The following ZRANB3 variants were observed in gnomAD, a reference collection of about 807,000 sequenced individuals.
The protein encoded by ZRANB3 is zinc finger RANBP2-type containing 3.
A neutral mutation model predicts 133.8 loss-of-function variants in ZRANB3; 125 were observed. That is an observed-to-expected ratio of 0.93 (90% CI 0.81 to 1.08). The LOEUF (loss-of-function observed/expected upper bound fraction) is 1.08, where lower values mean the gene tolerates loss of function less well. ZRANB3 is among the 50% of genes least tolerant of loss of function. The probability of loss-of-function intolerance (pLI) is 0.00; values close to 1 mark genes in which losing one functional copy is unlikely to be tolerated. For missense variants in ZRANB3, 1,229 were observed against 1,275.5 expected, an observed-to-expected ratio of 0.96 and a Z score of 0.56; for synonymous variants, 387 against 432.7, an observed-to-expected ratio of 0.89 and a Z score of 1.31.
At chr2:135,512,095 T>C (rs977900622) in intron 1 of ZRANB3, among the ~76,000 whole-genome samples, 3 of 152,224 alleles carry the variant, frequency 2.0e-5, no homozygotes, top group African/African-American at 7.2e-5. Flanking sequence ...TAATTTTTAA[T>C]ACCATGTTAT....
intron 8 of ZRANB3, among the ~76,000 whole-genome samples, chr2:135,279,586 T>C (rs908764680): frequency 3.3e-5 from 5 of 152,142 alleles, no homozygotes; most frequent in African/African-American, 9.7e-5. Context: ...ACTTACAAAC[T>C]ATATAATTGC....
intron 1 of ZRANB3, among the ~76,000 whole-genome samples, chr2:135,519,702 T>C (rs1160529653): frequency 6.6e-6 from 1 of 152,154 alleles, no homozygotes; most frequent in African/African-American, 2.4e-5. Context: ...TCAACAAATG[T>C]GTATTCGGTT....
At chr2:135,315,184 T>C (rs16831528) in intron 7 of ZRANB3, among the ~76,000 whole-genome samples, 175 bp downstream of exon 7, 15,886 of 152,220 alleles carry the variant, frequency 0.1, 1,092 homozygotes, top group South Asian at 0.32. Flanking sequence ...ATGAATAAAA[T>C]TGAATTCTTC....
Position 135,316,982 on chromosome 2 carries a change from AAAT to A in ZRANB3, c.678-1455_678-1453del, listed in dbSNP as rs1193601390. Among the ~76,000 whole-genome samples the A allele has an allele frequency of 9.3e-4, 131 of 140,978 alleles. 1 individual carries two copies. The East Asian group carries it at 9.4e-3, about 10-fold the overall frequency. 92.5% of individuals were successfully genotyped at this position (140,978 alleles called of 152,430 possible). A position where few individuals can be genotyped will look rare whatever the true frequency, so the allele number is the denominator to read the frequency against. On this transcript the variant is annotated intron_variant, in intron 6 of 20. Transcript: ENST00000264159. ...TCCGTCTCGAGAAAAAAAAAAAAAAAAATATATATATATATATATACTTGCATG... is the reference window on the plus strand; with the variant it reads ...TCCGTCTCGAGAAAAAAAAAAAAAAAATATATATATATATATACTTGCATG...
At chr2:135,359,112 T>C (rs1290573701) in intron 3 of ZRANB3, among the ~76,000 whole-genome samples, 1 of 152,000 alleles carries the variant, frequency 6.6e-6, no homozygotes, top group Non-Finnish European at 1.5e-5. Context: ...GACATCCAAA[T>C]GAAATTTTGA....
intron 3 of ZRANB3, among the ~76,000 whole-genome samples, chr2:135,364,374 AC>A (rs1228884532): frequency 1.3e-5 from 2 of 152,108 alleles, no homozygotes; most frequent in Admixed American, 1.3e-4. Context: ...TTCTTGACTG[AC>A]CTTTAATTAC....
chr2:135,510,990 G>A (rs16831774), intron 1 of ZRANB3: 101,108 of 785,914 alleles, frequency 0.13, 9,307 homozygotes, highest in South Asian at 0.28. Context: ...CTCACAGATC[G>A]GTCTGGGTCC....
chr2:135,406,538 A>G (rs1688042108), intron 2 of ZRANB3, among the ~76,000 whole-genome samples: 2 of 152,206 alleles, frequency 1.3e-5, no homozygotes, highest in African/African-American at 4.8e-5. Context: ...TTTTAGACCA[A>G]TATCCCTGAT....
intron 2 of ZRANB3, among the ~76,000 whole-genome samples, chr2:135,474,711 A>C (rs559077302): frequency 9.8e-5 from 15 of 152,324 alleles, no homozygotes; most frequent in Middle Eastern, 3.4e-3. Context: ...CCAGCATCAG[A>C]TATTCATTTA....
intron 2 of ZRANB3, among the ~76,000 whole-genome samples, chr2:135,410,691 G>A (rs1234484333): frequency 1.3e-5 from 2 of 152,054 alleles, no homozygotes; most frequent in African/African-American, 2.4e-5. Context: ...CCTACAGAAT[G>A]GGAGAAAATA....
chr2:135,435,618 T>C (rs747870416), intron 2 of ZRANB3, among the ~76,000 whole-genome samples: 2 of 152,166 alleles, frequency 1.3e-5, no homozygotes, highest in Admixed American at 6.5e-5. Context: ...CAACAGTGTA[T>C]GTGTTTCCTT....
chr2:135,259,368 A>G (rs889212426), intron 12 of ZRANB3, among the ~76,000 whole-genome samples: 1 of 151,958 alleles, frequency 6.6e-6, no homozygotes, highest in Non-Finnish European at 1.5e-5. Flanking sequence ...AGCTCTCCTA[A>G]CTACATACAA....
At chr2:135,272,906 G>A (rs965439859) in intron 9 of ZRANB3, among the ~76,000 whole-genome samples, 5 of 151,902 alleles carry the variant, frequency 3.3e-5, no homozygotes, top group Non-Finnish European at 7.4e-5. Context: ...ATTATTGGCC[G>A]GGCGCGGTGT....
At chr2:135,465,222 G>A (rs2105020501) in intron 2 of ZRANB3, among the ~76,000 whole-genome samples, 1 of 152,156 alleles carries the variant, frequency 6.6e-6, no homozygotes, top group African/African-American at 2.4e-5. Flanking sequence ...CAAAGATTCA[G>A]AAACCTTTAG....
intron 12 of ZRANB3, among the ~76,000 whole-genome samples, chr2:135,244,260 CA>C (rs1305798094): frequency 3.9e-5 from 6 of 151,944 alleles, no homozygotes; most frequent in African/African-American, 1.5e-4. Flanking sequence ...TTGATCTGGC[CA>C]AACAGATCAA....
intron 18 of ZRANB3, among the ~76,000 whole-genome samples, chr2:135,208,054 C>T (rs1693952666): frequency 6.6e-6 from 1 of 152,106 alleles, no homozygotes; most frequent in South Asian, 2.1e-4. Context: ...TGTTGCCTCT[C>T]TTGGGAATTA....
intron 3 of ZRANB3, among the ~76,000 whole-genome samples, chr2:135,387,619 T>C (rs997634088): frequency 1.3e-5 from 2 of 152,166 alleles, no homozygotes; most frequent in Non-Finnish European, 2.9e-5. Flanking sequence ...ACATTATAAA[T>C]AGGATATAAC....
intron 2 of ZRANB3, among the ~76,000 whole-genome samples, chr2:135,391,212 T>C (rs1687217267): frequency 6.6e-6 from 1 of 152,190 alleles, no homozygotes; most frequent in Admixed American, 6.5e-5. Context: ...AAATAGTTCA[T>C]AAATACTAAA....
Position 135,227,902 on chromosome 2 carries a change from C to T in ZRANB3, c.2068G>A (p.Ala690Thr), listed in dbSNP as rs1019157191. 1.2e-5 allele frequency: 18 copies of T among 1,563,932 alleles called. No homozygotes were observed. Among genetic ancestry groups the T allele is most frequent in the Admixed American group, 5.7e-5 (3 of 52,278 alleles). The change falls in exon 14 of 21, where the codon GCA becomes ACA. Residue 690 changes from alanine (A) to threonine (T), a missense_variant. Coordinates refer to ENST00000264159, the MANE Select transcript of ZRANB3 (RefSeq NM_032143.4). ...GCCAACTGGCCAGGTTCTGACTGTG[C>T]AAGGGCTTGTTTTTCACAGTCTGAG... ...TISDCEKQAL[A>T]QSEPGQLADS...
Sources: allele counts gnomAD v4.1 joint callset (sites outside exome capture counted in the v4.1 genomes callset), GRCh38; gene constraint gnomAD v4.1.1; transcripts MANE v1.5; gene names NCBI Gene and HGNC (gene_info 2026-07-23, HGNC 2026-07-21).